Variants in GLUD1 observed in about 807,000 individuals in gnomAD.
GLUD1 encodes the protein glutamate dehydrogenase 1, mitochondrial.
Under a neutral mutation model 56.0 loss-of-function variants are expected in GLUD1, and 22 were observed. The observed-to-expected ratio is 0.39, with a 90% CI of 0.28 to 0.56. GLUD1 has a LOEUF of 0.56. GLUD1 is among the 20% of genes least tolerant of loss of function. The probability of loss-of-function intolerance (pLI) is 0.58; values close to 1 mark genes in which losing one functional copy is unlikely to be tolerated. For missense variants in GLUD1, 451 were observed against 732.0 expected (o/e 0.62, Z 4.43); for synonymous variants, 223 against 269.9 (o/e 0.83, Z 1.70).
intron 11 of GLUD1, among the ~76,000 whole-genome samples, chr10:87,055,324 G>C (rs180902732): frequency 6.6e-6 from 1 of 152,134 alleles, no homozygotes; most frequent in African/African-American, 2.4e-5. Context: ...GAGGGCACTG[G>C]GGGGATGAGG....
At chr10:87,074,795 T>C (rs1230385677) in intron 3 of GLUD1, among the ~76,000 whole-genome samples, 181 bp from the exon 4 acceptor site, 1 of 152,112 alleles carries the variant, frequency 6.6e-6, no homozygotes, top group Non-Finnish European at 1.5e-5. Flanking sequence ...ATCAAAAAAG[T>C]AGGTTATAAA....
In GLUD1 at chr10:87,094,072, C is replaced by T; in HGVS notation, c.445+253G>A. 6.6e-7 allele frequency: 1 copy of T among 1,517,420 alleles called. No homozygotes were observed. Among genetic ancestry groups the T allele is most frequent in the Non-Finnish European group, 8.8e-7 (1 of 1,135,512 alleles). The allele number at this position is 1,517,420 out of a possible 1,614,324, so 94.0% of individuals were successfully genotyped here. A position where few individuals can be genotyped will look rare whatever the true frequency, so the allele number is the denominator to read the frequency against. ...ACCGGTGCAGCGTCTACTCTGCATG[C>T]AAGATCAGCATATACAGAGGCCCGG... On this transcript the variant is annotated intron_variant, in intron 1 of 12. Coordinates refer to ENST00000277865, the MANE Select transcript of GLUD1 (RefSeq NM_005271.5). The surrounding 1 kb of genome is among the most constrained non-coding windows in gnomAD (Gnocchi z 6.6).
chr10:87,089,748 G>A (rs759348530), intron 1 of GLUD1: 19 of 975,614 alleles, frequency 1.9e-5, no homozygotes, highest in East Asian at 1.1e-4. Context: ...TAACAATTCC[G>A]ACTTGATAGT....
chr10:87,060,321 A>G (rs1364539878), intron 8 of GLUD1, 80 bp from the exon 9 acceptor site: 6 of 917,646 alleles, frequency 6.5e-6, no homozygotes, highest in Non-Finnish European at 5.5e-6. Context: ...ATGTGCATAT[A>G]TGAACAAGGG....
chr10:87,085,057 A>G (rs1841348684), intron 1 of GLUD1, among the ~76,000 whole-genome samples: 2 of 152,116 alleles, frequency 1.3e-5, no homozygotes, highest in African/African-American at 4.8e-5. Flanking sequence ...AAAAGTACAC[A>G]CTTTAGGCTG....
Position 87,057,750 on chromosome 10 carries a change from C to T in GLUD1, c.1435G>A (p.Gly479Arg), listed in dbSNP as rs758062208. The change falls in exon 11 of 13, where the codon GGA becomes AGA. Residue 479 changes from glycine to arginine, a missense_variant. Physicochemically the swap from Gly to Arg is moderately radical, Grantham distance 125. Transcript: ENST00000277865. ...ATGGGAATAGTTCCACCATGCTTTC[C>T]AAATTTTCTTTCTAAACTCTCTTGA... Reference protein sequence around the residue: ...SVQESLERKFGKHGGTIPIVP... With the variant: ...SVQESLERKFRKHGGTIPIVP... 6.3e-7 allele frequency: 1 copy of T among 1,581,954 alleles called. No homozygotes were observed. The highest frequency in any genetic ancestry group is 1.1e-5 in the South Asian group (1 of 90,372).
Position 87,060,239 on chromosome 10 carries a change from G to T in GLUD1, c.1200C>A (p.Ile400=). ...TTGGCCCATTGGCACCTTCAGCAATGATCTGCAAGAGAGTCAGGAACATAG... is the reference window on the plus strand; with the variant it reads ...TTGGCCCATTGGCACCTTCAGCAATTATCTGCAAGAGAGTCAGGAACATAG... ...KSNAPRVKAK[I]IAEGANGPTT... The change falls in exon 9 of 13, where the codon ATC becomes ATA. Residue 400 remains isoleucine, a splice_region_variant and synonymous_variant. Transcript: ENST00000277865. 6.2e-7 allele frequency: 1 copy of T among 1,601,960 alleles called. No individual in the cohort carries two copies. Among genetic ancestry groups the T allele is most frequent in the Non-Finnish European group, 8.6e-7 (1 of 1,168,896 alleles).
At chr10:87,075,759 T>C (rs1209148679) in intron 3 of GLUD1, among the ~76,000 whole-genome samples, 1 of 152,074 alleles carries the variant, frequency 6.6e-6, no homozygotes, top group Non-Finnish European at 1.5e-5. Flanking sequence ...CCCTCTCTAC[T>C]AAAAATACAA....
At position 87,074,442 on chromosome 10, in the gene GLUD1, C is replaced by T. The variant is rs1203757548; in HGVS notation, c.646+109G>A. On this transcript the variant is annotated intron_variant, in intron 4 of 12. Coordinates refer to ENST00000277865, the MANE Select transcript of GLUD1 (RefSeq NM_005271.5). ...CTTGAACCCAGGAGGCGGACGAGATCGCACCACTGCACTCTAGTCTGGGCA... is the reference window on the plus strand; with the variant it reads ...CTTGAACCCAGGAGGCGGACGAGATTGCACCACTGCACTCTAGTCTGGGCA... The T allele has an allele frequency of 1.1e-4, 79 of 735,832 alleles. 1 individual carries two copies. The Admixed American group carries it at 1.4e-3, about 13-fold the overall frequency. 45.6% of individuals were successfully genotyped at this position (735,832 alleles called of 1,614,324 possible).
chr10:87,077,980 A>C (rs965378369), intron 1 of GLUD1, among the ~76,000 whole-genome samples: 2 of 152,188 alleles, frequency 1.3e-5, no homozygotes, highest in Non-Finnish European at 2.9e-5. Flanking sequence ...TATCTCATGG[A>C]CTGGCAGTTT....
intron 11 of GLUD1, among the ~76,000 whole-genome samples, chr10:87,056,733 A>C (rs952427976): frequency 1.3e-5 from 2 of 148,720 alleles, no homozygotes; most frequent in Non-Finnish European, 3.0e-5. Flanking sequence ...CATTTTCCAA[A>C]GAGCTGCACC....
At position 87,081,757 on chromosome 10, in the gene GLUD1, G is replaced by T. The variant is rs539127358; in HGVS notation, c.446-5101C>A. 2.0e-5 allele frequency among the ~76,000 whole-genome samples: 3 copies of T among 151,584 alleles called. No individual in the cohort carries two copies. The East Asian group carries it at 5.8e-4, about 29-fold the overall frequency. On this transcript the variant is annotated intron_variant, in intron 1 of 12. Coordinates refer to ENST00000277865, the MANE Select transcript of GLUD1 (RefSeq NM_005271.5). ...ACAGATGCTTGAAGGCAGCATGCTC[G>T]TTAAGAGTCATCACCACTCCCTAAT...
intron 5 of GLUD1, chr10:87,067,654 C>A: frequency 4.9e-6 from 1 of 205,270 alleles, no homozygotes; most frequent in Non-Finnish European, 1.0e-5. Flanking sequence ...AAGGTCTAGC[C>A]CAAATATCTC....
rs1846232803 is a variant in GLUD1 at position 87,071,325 on chromosome 10, TG to T, written c.647-3169del. Among the ~76,000 whole-genome samples the T allele has an allele frequency of 2.6e-5, 4 of 151,970 alleles. No individual in the cohort carries two copies. In the Middle Eastern group the frequency reaches 0.01, roughly 388 times the overall value. On this transcript the variant is annotated intron_variant, in intron 4 of 12. Transcript: ENST00000277865. Reference sequence around the variant, plus strand: ...CTCCTGCCTCAGCCTCCTGAGTAGCTGGGATTACAGGTACCTGCCTGGCTAA... The same window carrying T: ...CTCCTGCCTCAGCCTCCTGAGTAGCTGGATTACAGGTACCTGCCTGGCTAA...
At chr10:87,070,481 C>T (rs866437025) in intron 4 of GLUD1, among the ~76,000 whole-genome samples, 2 of 152,112 alleles carry the variant, frequency 1.3e-5, no homozygotes, top group Non-Finnish European at 1.5e-5. Context: ...TGCCCATAGT[C>T]CCAGCTACTC....
At position 87,094,219 on chromosome 10, in the gene GLUD1, AGCTGG is replaced by A. The variant is rs1212125497; in HGVS notation, c.445+101_445+105del. ...CCCGGGCGGGGACCCGGCCCGCTCC[AGCTGG>A]GCTGGGCTGGGCTGAGCAGCGGCCC... On this transcript the variant is annotated intron_variant, in intron 1 of 12. Coordinates refer to ENST00000277865, the MANE Select transcript of GLUD1 (RefSeq NM_005271.5). The surrounding 1 kb of genome is among the most constrained non-coding windows in gnomAD (Gnocchi z 6.6). 8.3e-6 allele frequency: 12 copies of A among 1,437,892 alleles called. No homozygotes were observed. Among genetic ancestry groups the A allele is most frequent in the Middle Eastern group, 2.5e-4 (1 of 4,028 alleles). 89.1% of individuals were successfully genotyped at this position (1,437,892 alleles called of 1,614,324 possible).
At chr10:87,082,082 G>C (rs781204239) in intron 1 of GLUD1, among the ~76,000 whole-genome samples, 106 of 152,190 alleles carry the variant, frequency 7.0e-4, no homozygotes, top group Non-Finnish European at 2.6e-4. Flanking sequence ...TTCTTAAGTG[G>C]AGGAAATGTT....
At chr10:87,070,353 C>A (rs1846197402) in intron 4 of GLUD1, among the ~76,000 whole-genome samples, 1 of 152,192 alleles carries the variant, frequency 6.6e-6, no homozygotes, top group African/African-American at 2.4e-5. Context: ...GTAATCCCAG[C>A]ACTTTGGGAG....
intron 1 of GLUD1, among the ~76,000 whole-genome samples, chr10:87,083,032 G>C (rs1220393388): frequency 6.6e-6 from 1 of 152,150 alleles, no homozygotes; most frequent in East Asian, 1.9e-4. Flanking sequence ...CTTGAGGTCA[G>C]GAGTTTGAGA....
Sources: gnomAD v4.1 joint callset for allele counts (sites outside exome capture counted in the v4.1 genomes callset) on GRCh38, gnomAD v4.1.1 for gene constraint, Gnocchi (gnomAD v3.1) non-coding constraint, MANE v1.5 for transcripts, NCBI Gene and HGNC (gene_info 2026-07-23, HGNC 2026-07-21) for gene names.